PIAS2: variants seen among roughly 807,000 people sequenced by gnomAD.
PIAS2 encodes the protein E3 SUMO-protein ligase PIAS2.
PIAS2 carries 19 observed loss-of-function variants against 69.7 expected under a neutral mutation model. The observed-to-expected ratio is 0.27, with a 90% CI of 0.19 to 0.40. PIAS2 has a LOEUF of 0.40. PIAS2 is among the 10% of genes least tolerant of loss of function. The probability of loss-of-function intolerance (pLI) is 1.00; values close to 1 mark genes in which losing one functional copy is unlikely to be tolerated. For missense variants in PIAS2, 624 were observed against 757.0 expected, an observed-to-expected ratio of 0.82 and a Z score of 2.06; for synonymous variants, 261 against 263.2, an observed-to-expected ratio of 0.99 and a Z score of 0.08.
chr18:46,859,411 G>A (rs1208555300), intron 3 of PIAS2, among the ~76,000 whole-genome samples: 1 of 125,006 alleles, frequency 8.0e-6, no homozygotes, highest in Non-Finnish European at 1.6e-5. Flanking sequence ...CTGGGTGACA[G>A]AGCGAGACTC....
At chr18:46,898,572 G>A (rs1031173298) in intron 1 of PIAS2, among the ~76,000 whole-genome samples, 6 of 151,836 alleles carry the variant, frequency 4.0e-5, no homozygotes, top group Admixed American at 3.3e-4. Flanking sequence ...TGAATTTTCC[G>A]TATATCAAAT....
intron 3 of PIAS2, among the ~76,000 whole-genome samples, chr18:46,857,060 C>T (rs2047949019): frequency 6.6e-6 from 1 of 152,190 alleles, no homozygotes; most frequent in Non-Finnish European, 1.5e-5. Context: ...ATGTCAAGTG[C>T]CTAAATATAA....
chr18:46,897,134 C>T (rs72913098), intron 1 of PIAS2, among the ~76,000 whole-genome samples: 11,698 of 152,178 alleles, frequency 0.077, 488 homozygotes, highest in African/African-American at 0.1. Flanking sequence ...GGGACTCTAC[C>T]ACCTTCCCAA....
intron 2 of PIAS2, among the ~76,000 whole-genome samples, chr18:46,869,539 T>C (rs1311117392): frequency 2.0e-5 from 3 of 152,182 alleles, no homozygotes; most frequent in Non-Finnish European, 4.4e-5. Context: ...CTCTAACATG[T>C]GGCATTGAGC....
chr18:46,865,901 ACTC>A (rs1376099134), intron 2 of PIAS2, among the ~76,000 whole-genome samples: 1 of 151,948 alleles, frequency 6.6e-6, no homozygotes, highest in African/African-American at 2.4e-5. Flanking sequence ...GTTCCTATTC[ACTC>A]CTCAACCCTT....
intron 2 of PIAS2, among the ~76,000 whole-genome samples, chr18:46,886,817 G>A (rs565594180): frequency 4.4e-4 from 67 of 151,648 alleles, no homozygotes; most frequent in African/African-American, 1.0e-3. Flanking sequence ...CATCCTGGGC[G>A]ACAGAACAAG....
At position 46,845,134 on chromosome 18, in the gene PIAS2, T is replaced by C. The variant is rs139344561; in HGVS notation, c.862-295A>G. On this transcript the variant is annotated intron_variant, in intron 6 of 13. Coordinates refer to ENST00000585916, the MANE Select transcript of PIAS2 (RefSeq NM_004671.5). ...TATGGTTCTTATTTAGCAAAACTGG[T>C]ACCTTAGGGGCCACCCTGAAAATGT... 6.3e-3 allele frequency among the ~76,000 whole-genome samples: 957 copies of C among 152,324 alleles called. 7 individuals are homozygous for C. The highest frequency in any genetic ancestry group is 0.022 in the African/African-American group (899 of 41,586).
At chr18:46,825,604 ATTC>A (rs1327035781) in intron 11 of PIAS2, among the ~76,000 whole-genome samples, 2 of 152,192 alleles carry the variant, frequency 1.3e-5, no homozygotes, top group East Asian at 3.9e-4. Flanking sequence ...TGTTAATACC[ATTC>A]TTGATGATCA....
chr18:46,864,319 C>A, intron 2 of PIAS2, 71 bp from the exon 3 acceptor site: 1 of 1,016,116 alleles, frequency 9.8e-7, no homozygotes, highest in Non-Finnish European at 1.5e-6. Context: ...CTGCAATAAC[C>A]AGGCATTTTT....
chr18:46,888,883 C>T (rs968069427), intron 2 of PIAS2, among the ~76,000 whole-genome samples: 3 of 152,130 alleles, frequency 2.0e-5, no homozygotes, highest in Non-Finnish European at 2.9e-5. Flanking sequence ...TGCTAGTCCA[C>T]GGCCTGAGGG....
At chr18:46,853,810 G>C (rs1046586533) in intron 5 of PIAS2, 22 of 152,122 alleles carry the variant, frequency 1.4e-4, no homozygotes, top group African/African-American at 4.8e-4. Context: ...GGAGGGGAGT[G>C]GGAAAAAAAG....
chr18:46,916,851 C>T lies in PIAS2; in HGVS notation c.24+471G>A, dbSNP rs553466613. On this transcript the variant is annotated intron_variant, in intron 1 of 13. Coordinates refer to ENST00000585916, the MANE Select transcript of PIAS2 (RefSeq NM_004671.5). ...GACCTGACTAAACGGTAGCATCAGC[C>T]ATAAGAAGAGGAGAGATTCCTAAAC... 9 of 985,462 alleles carry T rather than the reference C, an allele frequency of 9.1e-6. No homozygotes were observed. In the Admixed American group the frequency reaches 5.5e-4, roughly 61 times the overall value. The allele number at this position is 985,462 out of a possible 1,614,324, so 61.0% of individuals were successfully genotyped here. A position where few individuals can be genotyped will look rare whatever the true frequency, so the allele number is the denominator to read the frequency against.
chr18:46,847,823 G>A (rs963183678), intron 5 of PIAS2, among the ~76,000 whole-genome samples: 11 of 152,004 alleles, frequency 7.2e-5, no homozygotes, highest in African/African-American at 1.9e-4. Flanking sequence ...TTTCTGATTC[G>A]CAGTATATCC....
At chr18:46,911,234 G>A (rs1321402742) in intron 1 of PIAS2, among the ~76,000 whole-genome samples, 2 of 132,100 alleles carry the variant, frequency 1.5e-5, no homozygotes, top group Non-Finnish European at 3.2e-5. Flanking sequence ...TTTTTTTCCT[G>A]AGACGAAGCC....
intron 12 of PIAS2, chr18:46,817,443 T>C (rs970330138): frequency 5.9e-5 from 57 of 960,646 alleles, no homozygotes; most frequent in Non-Finnish European, 6.9e-5. Flanking sequence ...CACCAGAGAA[T>C]ACCCACTGAG....
chr18:46,887,785 A>G lies in PIAS2; in HGVS notation c.499+2795T>C, dbSNP rs186674453. Among the ~76,000 whole-genome samples the G allele has an allele frequency of 2.9e-4, 44 of 152,360 alleles. No homozygotes were observed. The East Asian group carries it at 8.1e-3, about 28-fold the overall frequency. On this transcript the variant is annotated intron_variant, in intron 2 of 13. Coordinates refer to ENST00000585916, the MANE Select transcript of PIAS2 (RefSeq NM_004671.5). ...CAAAATACAAAATCAGGATCAATAA[A>G]TAAGATTTGTATCTATTCCCATTCA...
At chr18:46,817,618 T>A in intron 12 of PIAS2, 1 of 958,028 alleles carries the variant, frequency 1.0e-6, no homozygotes, top group Non-Finnish European at 1.2e-6. Flanking sequence ...TGGTGACTTA[T>A]ACAACACCAT....
intron 2 of PIAS2, among the ~76,000 whole-genome samples, chr18:46,872,265 A>G (rs1047927139): frequency 6.6e-6 from 1 of 152,172 alleles, no homozygotes; most frequent in African/African-American, 2.4e-5. Flanking sequence ...TCAGCAAAAT[A>G]CCATATGACC....
intron 12 of PIAS2, chr18:46,816,582 C>A: frequency 2.7e-6 from 1 of 365,986 alleles, no homozygotes; most frequent in Non-Finnish European, 3.8e-6. Context: ...GCCTCAGCTT[C>A]GCAAGAAGCA....
Sources: gnomAD v4.1 joint callset for allele counts (sites outside exome capture counted in the v4.1 genomes callset) on GRCh38, gnomAD v4.1.1 for gene constraint, MANE v1.5 for transcripts, NCBI Gene and HGNC (gene_info 2026-07-23, HGNC 2026-07-21) for gene names.